PPP2R2C: variants seen among roughly 807,000 people sequenced by gnomAD.
The protein encoded by PPP2R2C is protein phosphatase 2, regulatory subunit B, gamma.
In PPP2R2C, 10 loss-of-function variants were observed where a neutral mutation model predicts 45.3. That is an observed-to-expected ratio of 0.22 (90% confidence interval 0.14 to 0.37). The LOEUF (loss-of-function observed/expected upper bound fraction) is 0.37, where lower values mean the gene tolerates loss of function less well. Among genes scored for constraint, PPP2R2C ranks in the 10% least tolerant of loss-of-function variants. The pLI is 1.00. For missense variants in PPP2R2C, 308 were observed against 619.7 expected, an observed-to-expected ratio of 0.50 and a Z score of 5.34; for synonymous variants, 257 against 245.4, an observed-to-expected ratio of 1.05 and a Z score of -0.44.
At chr4:6,488,711 C>G (rs1000459129) in intron 2 of PPP2R2C, among the ~76,000 whole-genome samples, 2 of 152,116 alleles carry the variant, frequency 1.3e-5, no homozygotes, top group Non-Finnish European at 2.9e-5. Flanking sequence ...CAGTTTCACC[C>G]TTTCAAAAGT....
chr4:6,441,669 C>T (rs1720160609), intron 1 of PPP2R2C, among the ~76,000 whole-genome samples: 1 of 152,214 alleles, frequency 6.6e-6, no homozygotes, highest in Non-Finnish European at 1.5e-5. Flanking sequence ...GGCCTCTGCT[C>T]CTCTCATGAC....
chr4:6,395,913 G>A (rs1334762722), intron 1 of PPP2R2C, among the ~76,000 whole-genome samples: 3 of 152,168 alleles, frequency 2.0e-5, no homozygotes, highest in Non-Finnish European at 1.5e-5. Context: ...AGGGCATTAA[G>A]GCTTATGGGC....
In PPP2R2C at chr4:6,385,937, T is replaced by C. The variant is rs1577134696; in HGVS notation, c.71-4843A>G. Among the ~76,000 whole-genome samples the C allele has an allele frequency of 3.3e-5, 5 of 152,320 alleles. No homozygotes were observed. In the South Asian group the frequency reaches 1.0e-3, roughly 32 times the overall value. On this transcript the variant is annotated intron_variant, in intron 1 of 8. Transcript: ENST00000382599. The stretch of plus-strand genomic sequence containing the variant: ...GACACTTCCTGCATGGTGCTGTCTG[T>C]GTCCACGTTGTCTCTAGCCTTGACC...
chr4:6,550,118 T>C (rs561608133), intron 1 of PPP2R2C, among the ~76,000 whole-genome samples: 182 of 152,246 alleles, frequency 1.2e-3, no homozygotes, highest in Admixed American at 3.2e-3. Flanking sequence ...CTCACCTCCA[T>C]GCTCACTGCC....
At chr4:6,520,986 C>T (rs149822168) in intron 2 of PPP2R2C, among the ~76,000 whole-genome samples, 1 of 152,226 alleles carries the variant, frequency 6.6e-6, no homozygotes, top group Non-Finnish European at 1.5e-5. Flanking sequence ...GCTTACATAC[C>T]TCCTTATCCT....
At chr4:6,551,945 G>T (rs867134359) in intron 1 of PPP2R2C, among the ~76,000 whole-genome samples, 1 of 152,236 alleles carries the variant, frequency 6.6e-6, no homozygotes, top group Non-Finnish European at 1.5e-5. Flanking sequence ...GGGATCATTT[G>T]TTAGGAAGCC....
intron 1 of PPP2R2C, among the ~76,000 whole-genome samples, chr4:6,537,126 C>A (rs1044684989): frequency 6.6e-6 from 1 of 152,054 alleles, no homozygotes; most frequent in African/African-American, 2.4e-5. Flanking sequence ...TCACTTGAAC[C>A]CAGGAGGCGG....
chr4:6,439,728 A>G (rs1021996378), intron 1 of PPP2R2C, among the ~76,000 whole-genome samples: 7 of 152,208 alleles, frequency 4.6e-5, no homozygotes, highest in African/African-American at 7.2e-5. Context: ...ACACTCAGAC[A>G]TACATACTTC....
chr4:6,529,855 C>G, intron 2 of PPP2R2C, among the ~76,000 whole-genome samples: 1 of 152,276 alleles, frequency 6.6e-6, no homozygotes, highest in Middle Eastern at 3.4e-3. Context: ...GGAAGGCCTC[C>G]CATGACAAGG....
intron 1 of PPP2R2C, among the ~76,000 whole-genome samples, chr4:6,460,690 C>T (rs954558043): frequency 6.6e-6 from 1 of 152,090 alleles, no homozygotes; most frequent in South Asian, 2.1e-4. Flanking sequence ...AACACATATA[C>T]CAAAATATTT....
chr4:6,417,325 C>T (rs1028150517), intron 1 of PPP2R2C, among the ~76,000 whole-genome samples: 5 of 152,236 alleles, frequency 3.3e-5, no homozygotes, highest in East Asian at 1.9e-4. Context: ...GGACCCACCT[C>T]GGGGTTACGT....
intron 1 of PPP2R2C, among the ~76,000 whole-genome samples, chr4:6,413,232 T>G (rs1365742397): frequency 6.7e-6 from 1 of 148,794 alleles, no homozygotes. Flanking sequence ...CACACACAGT[T>G]GTACATACAA....
chr4:6,498,179 A>G (rs1722932684), intron 2 of PPP2R2C, among the ~76,000 whole-genome samples: 1 of 152,248 alleles, frequency 6.6e-6, no homozygotes, highest in Admixed American at 6.5e-5. Flanking sequence ...ACACACATCG[A>G]CAAGGAATAC....
chr4:6,382,888 C>T (rs962153897), intron 1 of PPP2R2C: 121 of 1,097,778 alleles, frequency 1.1e-4, no homozygotes, highest in Non-Finnish European at 1.3e-4. Flanking sequence ...CACTCCCCTG[C>T]TCAAAACCCT....
At chr4:6,424,121 GA>G (rs1719142482) in intron 1 of PPP2R2C, among the ~76,000 whole-genome samples, 1 of 152,210 alleles carries the variant, frequency 6.6e-6, no homozygotes, top group Non-Finnish European at 1.5e-5. Context: ...GCCGGATTAG[GA>G]GGAAGGGGCT....
chr4:6,323,611 G>T lies in PPP2R2C; in HGVS notation c.1053-18C>A. 2.6e-6 allele frequency: 4 copies of T among 1,532,988 alleles called. No individual in the cohort carries two copies. Among genetic ancestry groups the T allele is most frequent in the Non-Finnish European group, 3.5e-6 (4 of 1,134,624 alleles). 95.0% of individuals were successfully genotyped at this position (1,532,988 alleles called of 1,614,324 possible). ...TGATGACGCTGGTGGGAGAAGGAGA[G>T]GCATCAGGTGAGGAGGAGCACAAGC... On this transcript the variant is annotated intron_variant, in intron 8 of 8. Coordinates refer to ENST00000382599, the MANE Select transcript of PPP2R2C (RefSeq NM_020416.4).
chr4:6,431,782 T>C (rs1333325900), intron 1 of PPP2R2C, among the ~76,000 whole-genome samples: 1 of 152,162 alleles, frequency 6.6e-6, no homozygotes, highest in Admixed American at 6.5e-5. Context: ...TGGTATGGCC[T>C]CAGTGGGTGG....
chr4:6,544,080 C>T (rs542335934), intron 1 of PPP2R2C, among the ~76,000 whole-genome samples: 1 of 152,204 alleles, frequency 6.6e-6, no homozygotes, highest in Non-Finnish European at 1.5e-5. Context: ...CTCACCCTGG[C>T]CCCATTTGTT....
chr4:6,432,862 C>T (rs888633174), intron 1 of PPP2R2C, among the ~76,000 whole-genome samples: 2 of 152,126 alleles, frequency 1.3e-5, no homozygotes, highest in East Asian at 1.9e-4. Context: ...GATTTTCTTT[C>T]GCCTCTGCTA....
Sources: allele counts gnomAD v4.1 joint callset (sites outside exome capture counted in the v4.1 genomes callset), GRCh38; gene constraint gnomAD v4.1.1; transcripts MANE v1.5; gene names NCBI Gene and HGNC (gene_info 2026-07-23, HGNC 2026-07-21).